PDE6C: variants seen among roughly 807,000 people sequenced by gnomAD.
PDE6C encodes phosphodiesterase 6C.
A neutral mutation model predicts 113.1 loss-of-function variants in PDE6C; 75 were observed. The ratio of observed to expected loss-of-function variants is 0.66; its 90% CI spans 0.55 to 0.80. The LOEUF is 0.80. Among genes scored for constraint, PDE6C ranks in the 30% least tolerant of loss-of-function variants. The pLI is 0.00. For synonymous variants in PDE6C, 375 were observed against 363.7 expected, an observed-to-expected ratio of 1.03 and a Z score of -0.35; for missense variants, 912 against 1,038.6, an observed-to-expected ratio of 0.88 and a Z score of 1.67.
intron 11 of PDE6C, among the ~76,000 whole-genome samples, chr10:93,639,192 A>G (rs902258631): frequency 2.0e-5 from 3 of 152,138 alleles, no homozygotes; most frequent in Admixed American, 6.5e-5. Flanking sequence ...GCTCAGCTGC[A>G]TGCATGTCCC....
At chr10:93,646,692 T>C (rs57443502) in intron 15 of PDE6C, among the ~76,000 whole-genome samples, 14,039 of 152,042 alleles carry the variant, frequency 0.092, 977 homozygotes, top group African/African-American at 0.19. Flanking sequence ...CACTTTTAAA[T>C]AACCAGATCT....
intron 1 of PDE6C, among the ~76,000 whole-genome samples, chr10:93,617,681 G>A (rs1052351566): frequency 1.3e-4 from 20 of 152,174 alleles, no homozygotes; most frequent in African/African-American, 4.8e-4. Context: ...GGCTGAGGCA[G>A]GAGAATCACT....
Position 93,633,475 on chromosome 10 carries a change from AAAAAAT to A in PDE6C, c.1120-1277_1120-1272del, listed in dbSNP as rs1329493941. Among the ~76,000 whole-genome samples the A allele has an allele frequency of 6.9e-4, 99 of 144,422 alleles. 1 individual carries two copies. The highest frequency in any genetic ancestry group is 1.2e-3 in the Non-Finnish European group (76 of 65,880). The allele number at this position is 144,422 out of a possible 152,430, so 94.7% of individuals were successfully genotyped here. On this transcript the variant is annotated intron_variant, in intron 8 of 21. Transcript: ENST00000371447. ...AGTGAGACCCTGTCTCAAAAAAAAAAAAAAATAAAAAAAAATAAACAAGCTAAAACA... is the reference window on the plus strand; with the variant it reads ...AGTGAGACCCTGTCTCAAAAAAAAAAAAAAAAAAATAAACAAGCTAAAACA...
intron 16 of PDE6C, among the ~76,000 whole-genome samples, chr10:93,657,234 T>C (rs2058642138): frequency 6.6e-6 from 1 of 151,976 alleles, no homozygotes; most frequent in Non-Finnish European, 1.5e-5. Flanking sequence ...CAATCTCGGC[T>C]CACTGTAATC....
chr10:93,623,992 G>T (rs2058460600), intron 4 of PDE6C, among the ~76,000 whole-genome samples: 1 of 151,774 alleles, frequency 6.6e-6, no homozygotes, highest in South Asian at 2.1e-4. Context: ...GAGAATTAGA[G>T]ATTTTATATA....
At position 93,658,843 on chromosome 10, in the gene PDE6C, A is replaced by T. The variant is rs77992899; in HGVS notation, c.2037-58A>T. 1.4e-3 allele frequency: 1,418 copies of T among 1,004,396 alleles called. 11 individuals carry two copies. In the African/African-American group the frequency reaches 0.021, roughly 15 times the overall value. The allele number at this position is 1,004,396 out of a possible 1,614,324, so 62.2% of individuals were successfully genotyped here. A position where few individuals can be genotyped will look rare whatever the true frequency, so the allele number is the denominator to read the frequency against. ...GAAATCTGAAAAGCATGTATTTAAG[A>T]TATTTTTTCTCTCTTTTCATAAGCT... On this transcript the variant is annotated intron_variant, in intron 16 of 21. Transcript: ENST00000371447.
intron 4 of PDE6C, among the ~76,000 whole-genome samples, chr10:93,622,353 A>G (rs897138766): frequency 6.6e-6 from 1 of 152,110 alleles, no homozygotes; most frequent in Non-Finnish European, 1.5e-5. Flanking sequence ...TTGATTATAA[A>G]GTACGGAGTT....
chr10:93,636,229 A>G (rs2058528503), intron 10 of PDE6C, among the ~76,000 whole-genome samples: 1 of 152,236 alleles, frequency 6.6e-6, no homozygotes, highest in Non-Finnish European at 1.5e-5. Context: ...CTCATTGGCC[A>G]AAGAAAGCCA....
intron 15 of PDE6C, among the ~76,000 whole-genome samples, chr10:93,654,790 CTTTCTTTCTTTCTTTCTTTCTTT>C (rs2058626912): frequency 1.4e-5 from 1 of 69,062 alleles, no homozygotes; most frequent in African/African-American, 4.8e-5. Context: ...TTCTTTCTTT[CTTTCTTTCTTTCTTTCTTTCTTT>C]TTTTTTTTTT....
intron 7 of PDE6C, among the ~76,000 whole-genome samples, chr10:93,628,126 C>T (rs1441469252): frequency 1.3e-5 from 2 of 152,210 alleles, no homozygotes; most frequent in Non-Finnish European, 2.9e-5. Flanking sequence ...AGGATTTCCC[C>T]AATTCCCAGC....
At position 93,621,941 on chromosome 10, in the gene PDE6C, T is replaced by G. The variant is rs1198848724; in HGVS notation, c.733T>G (p.Trp245Gly). ...TGATACCTACTTTCAGATCCTTATG[T>G]GGTCAGCCAATAAAGTATTTGAAGA... ...IESRRSQILM[W>G]SANKVFEELT... is the part of the protein sequence containing the mutation. The change falls in exon 4 of 22, where the codon TGG (tryptophan) becomes GGG (glycine). Residue 245 changes from tryptophan (W) to glycine (G), a missense_variant. Trp to Gly is a radical substitution (Grantham distance 184). Coordinates refer to ENST00000371447, the MANE Select transcript of PDE6C (RefSeq NM_006204.4). 3.7e-6 allele frequency: 6 copies of G among 1,613,748 alleles called. No individual in the cohort carries two copies. In the Admixed American group the frequency reaches 6.7e-5, roughly 18 times the overall value.
At chr10:93,655,033 C>T (rs1463927505) in intron 15 of PDE6C, among the ~76,000 whole-genome samples, 1 of 151,928 alleles carries the variant, frequency 6.6e-6, no homozygotes, top group African/African-American at 2.4e-5. Flanking sequence ...CCAGGCTGGT[C>T]TTGAACTCCT....
intron 8 of PDE6C, among the ~76,000 whole-genome samples, chr10:93,630,428 C>G (rs886551931): frequency 1.3e-5 from 2 of 150,750 alleles, no homozygotes; most frequent in Non-Finnish European, 3.0e-5. Flanking sequence ...CCACTCCCTT[C>G]TCTACCTGCC....
chr10:93,647,051 C>T (rs908512065), intron 15 of PDE6C, among the ~76,000 whole-genome samples: 10 of 152,160 alleles, frequency 6.6e-5, no homozygotes, highest in Admixed American at 2.6e-4. Context: ...GCACATATTA[C>T]GTACTACTAA....
In PDE6C at chr10:93,665,555, ATT is replaced by A. The variant is rs2133881196; in HGVS notation, c.*138_*139del. ...CCCTGTGACTATGAAGAAAATATAT[ATT>A]GCTAGCCCAAAAATCCCAGGGGCAA... is the stretch of plus-strand genomic sequence containing the variant. On this transcript the variant is annotated 3_prime_UTR_variant, in exon 22 of 22. Transcript: ENST00000371447. The A allele has an allele frequency of 1.5e-6, 1 of 669,320 alleles. No individual in the cohort carries two copies. Among genetic ancestry groups the A allele is most frequent in the East Asian group, 2.7e-5 (1 of 36,366 alleles). 41.5% of individuals were successfully genotyped at this position (669,320 alleles called of 1,614,324 possible).
At position 93,612,688 on chromosome 10, in the gene PDE6C, C is replaced by A; in HGVS notation, c.-38C>A. The A allele has an allele frequency of 1.2e-6, 2 of 1,612,294 alleles. No homozygotes were observed. The highest frequency in any genetic ancestry group is 2.2e-5 in the South Asian group (2 of 90,920). ...CTGCCTCAGGTAGTGCTCTGAAGGT[C>A]GTCCTTTCTGAACAAACGCAGCAAA... On this transcript the variant is annotated 5_prime_UTR_variant, in exon 1 of 22. Coordinates refer to ENST00000371447, the MANE Select transcript of PDE6C (RefSeq NM_006204.4).
intron 4 of PDE6C, among the ~76,000 whole-genome samples, chr10:93,624,040 C>A (rs921098009): frequency 1.4e-4 from 21 of 151,808 alleles, no homozygotes; most frequent in African/African-American, 5.1e-4. Flanking sequence ...TACATAGTGT[C>A]TAGAATTTAC....
rs1207718246 is a variant in PDE6C, at chr10:93,612,878, T to G, written c.153T>G (p.Ser51=). The G allele has an allele frequency of 1.2e-6, 2 of 1,613,820 alleles. No individual in the cohort carries two copies. Among genetic ancestry groups the G allele is most frequent in the South Asian group, 1.1e-5 (1 of 91,070 alleles). The change falls in exon 1 of 22, where the codon TCT becomes TCG. Residue 51 remains serine, a synonymous_variant. Coordinates refer to ENST00000371447, the MANE Select transcript of PDE6C (RefSeq NM_006204.4). ...CAGTCCAGTCCAGCATGTCCTTCTC[T>G]GAGCTGACCCAGGTGGAGGAGTCAG... ...QVPVQSSMSF[S]ELTQVEESAL...
chr10:93,616,210 G>T (rs1401571480), intron 1 of PDE6C, among the ~76,000 whole-genome samples: 1 of 152,194 alleles, frequency 6.6e-6, no homozygotes, highest in Admixed American at 6.5e-5. Flanking sequence ...AATAACTCAG[G>T]TCTTGGAGGC....
Sources: gnomAD v4.1 joint callset for allele counts (sites outside exome capture counted in the v4.1 genomes callset) on GRCh38, gnomAD v4.1.1 for gene constraint, MANE v1.5 for transcripts, NCBI Gene and HGNC (gene_info 2026-07-23, HGNC 2026-07-21) for gene names.